TENM2: variants seen among roughly 807,000 people sequenced by gnomAD.
The protein encoded by TENM2 is teneurin transmembrane protein 2.
TENM2 carries 52 observed loss-of-function variants against 245.2 expected under a neutral mutation model. The observed-to-expected ratio is 0.21, with a 90% CI of 0.17 to 0.27. The LOEUF is 0.27. TENM2 is among the 10% of genes least tolerant of loss of function. TENM2 has a pLI of 1.00. For missense variants in TENM2, 3,046 were observed against 3,666.8 expected (o/e 0.83, Z 4.37); for synonymous variants, 1,363 against 1,438.9 (o/e 0.95, Z 1.19).
At chr5:168,190,594 TC>T (rs1388834792) in intron 14 of TENM2, 47 bp downstream of exon 16, 1 of 1,552,672 alleles carries the variant, frequency 6.4e-7, no homozygotes, top group Admixed American at 1.7e-5. Flanking sequence ...CTGATTTTCT[TC>T]CTGTTGGAGC....
intron 1 of TENM2, among the ~76,000 whole-genome samples, 168 bp from the exon 4 acceptor site, chr5:167,375,030 G>A (rs1429944365): frequency 6.6e-6 from 1 of 152,080 alleles, no homozygotes; most frequent in Admixed American, 6.6e-5. Context: ...TTTTTCAAAG[G>A]TATCCCACTG....
rs550745269 is a variant in TENM2 at position 167,900,929 on chromosome 5, G to T, written c.712+24734G>T. ...TGACAGGACTGGATGTACTCCTGAGGAGTCCTGCGGGGTGGGGGACAGGAA... is the reference window on the plus strand; with the variant it reads ...TGACAGGACTGGATGTACTCCTGAGTAGTCCTGCGGGGTGGGGGACAGGAA... On this transcript the variant is annotated intron_variant, in intron 3 of 28. Coordinates refer to ENST00000518659, the Ensembl canonical transcript of TENM2. Among the ~76,000 whole-genome samples, 17 of 152,166 alleles carry T rather than the reference G, an allele frequency of 1.1e-4. No individual in the cohort carries two copies. In the East Asian group the frequency reaches 2.9e-3, roughly 26 times the overall value.
the TENM2 span, among the ~76,000 whole-genome samples, chr5:167,151,968 C>G: frequency 1.6e-3 from 245 of 152,312 alleles, no homozygotes; most frequent in African/African-American, 5.7e-3. Flanking sequence ...ATTGCACACA[C>G]TACGGCTTTT....
At chr5:167,326,707 AT>A (rs1262105629) in intron 1 of TENM2, among the ~76,000 whole-genome samples, 117 of 146,712 alleles carry the variant, frequency 8.0e-4, no homozygotes, top group African/African-American at 1.0e-3. Context: ...AAATAAATAT[AT>A]ATATATATAT....
chr5:167,512,665 G>A (rs951702042), intron 2 of TENM2, among the ~76,000 whole-genome samples: 2 of 152,122 alleles, frequency 1.3e-5, no homozygotes, highest in African/African-American at 4.8e-5. Context: ...GTTTGGAAGA[G>A]AACTCAGATT....
intron 3 of TENM2, among the ~76,000 whole-genome samples, chr5:167,921,084 T>G (rs896975969): frequency 1.3e-5 from 2 of 152,240 alleles, no homozygotes; most frequent in Non-Finnish European, 2.9e-5. Flanking sequence ...TTAGGCCTTA[T>G]ATCAAATCAA....
At chr5:167,098,867 T>C in the TENM2 span, among the ~76,000 whole-genome samples, 1 of 152,160 alleles carries the variant, frequency 6.6e-6, no homozygotes, top group Non-Finnish European at 1.5e-5. Context: ...CCTAACCTAG[T>C]CTCTTTGCGT....
chr5:167,645,817 A>G (rs1218579441), intron 2 of TENM2, among the ~76,000 whole-genome samples: 1 of 152,144 alleles, frequency 6.6e-6, no homozygotes, highest in East Asian at 1.9e-4. Flanking sequence ...AAGGAAAAAC[A>G]AAAGGCAAAT....
intron 10 of TENM2, among the ~76,000 whole-genome samples, chr5:168,124,560 T>G (rs1795706319): frequency 6.6e-6 from 1 of 152,142 alleles, no homozygotes; most frequent in Admixed American, 6.5e-5. Context: ...AAAGGTGGAG[T>G]GGCATCCTTC....
In TENM2 at chr5:168,218,657, G is replaced by C. The variant is rs768481210; in HGVS notation, c.4766G>C (p.Gly1589Ala). The C allele has an allele frequency of 6.2e-7, 1 of 1,613,982 alleles. No homozygotes were observed. Among genetic ancestry groups the C allele is most frequent in the Admixed American group, 1.7e-5 (1 of 60,022 alleles). The change falls in exon 23 of 29, where the codon GGA (glycine) becomes GCA (alanine). Residue 1589 changes from glycine to alanine, a missense_variant. Gly to Ala is a moderately conservative substitution (Grantham distance 60). Coordinates refer to ENST00000518659, the Ensembl canonical transcript of TENM2. This position sits in a 1 kb window ranked among gnomAD's most constrained non-coding sequence, Gnocchi z 5.2. ...AACCAGTATGAGGCTGCATCCCCCG[G>C]AGAGCAGGAGTTATATGTTTTCAAC...
At chr5:167,514,186 A>G (rs1307606500) in intron 2 of TENM2, among the ~76,000 whole-genome samples, 1 of 152,210 alleles carries the variant, frequency 6.6e-6, no homozygotes, top group Non-Finnish European at 1.5e-5. Context: ...ATTGAGTATC[A>G]ATCCATGTTT....
intron 2 of TENM2, among the ~76,000 whole-genome samples, chr5:167,693,833 T>C (rs770673604): frequency 6.6e-6 from 1 of 152,204 alleles, no homozygotes; most frequent in Non-Finnish European, 1.5e-5. Flanking sequence ...GTTCAAGATG[T>C]TGTAGTGCCA....
At chr5:167,731,957 T>C (rs905603913) in intron 2 of TENM2, among the ~76,000 whole-genome samples, 1 of 152,168 alleles carries the variant, frequency 6.6e-6, no homozygotes, top group African/African-American at 2.4e-5. Context: ...CAAGTAGGCA[T>C]ACATGATAAT....
intron 2 of TENM2, among the ~76,000 whole-genome samples, chr5:167,529,911 T>C (rs1406215809): frequency 3.3e-5 from 5 of 152,176 alleles, no homozygotes; most frequent in Non-Finnish European, 7.4e-5. Context: ...AAGGAATGGC[T>C]ACTCTTCCAA....
chr5:167,451,749 T>C (rs760770957), intron 2 of TENM2, among the ~76,000 whole-genome samples: 27 of 152,030 alleles, frequency 1.8e-4, no homozygotes, highest in East Asian at 3.9e-4. Flanking sequence ...CCCGGGTTCA[T>C]GCCATTCTTC....
intron 1 of TENM2, among the ~76,000 whole-genome samples, chr5:167,369,451 AT>A (rs34408184): frequency 3.3e-4 from 50 of 150,264 alleles, no homozygotes; most frequent in African/African-American, 5.4e-4. Flanking sequence ...TTGATGAACT[AT>A]TTTTTTTTTG....
rs191789653 is a variant in TENM2, at chr5:167,300,956, G to T, written c.226+15893G>T. Among the ~76,000 whole-genome samples, 31 of 152,244 alleles carry T rather than the reference G, an allele frequency of 2.0e-4. No individual in the cohort carries two copies. In the East Asian group the frequency reaches 5.6e-3, roughly 28 times the overall value. On this transcript the variant is annotated intron_variant, in intron 1 of 28. Transcript: ENST00000518659. Reference sequence around the variant, plus strand: ...CCCCAGAATTGGGGAGTTTTAAGAGGTTTAGAAGCCTGGCCGTCAATACCT... The same window carrying T: ...CCCCAGAATTGGGGAGTTTTAAGAGTTTTAGAAGCCTGGCCGTCAATACCT...
intron 3 of TENM2, among the ~76,000 whole-genome samples, chr5:167,913,052 C>G (rs1255512808): frequency 1.3e-5 from 2 of 152,052 alleles, no homozygotes; most frequent in African/African-American, 4.8e-5. Flanking sequence ...CCATAGCATC[C>G]CTGCATTCCA....
intron 2 of TENM2, among the ~76,000 whole-genome samples, chr5:167,684,848 T>C (rs1756967567): frequency 1.3e-5 from 2 of 152,224 alleles, no homozygotes; most frequent in Admixed American, 6.5e-5. Flanking sequence ...CCAGGGTCTA[T>C]TAATGCCACT....
Sources: gnomAD v4.1 joint callset for allele counts (sites outside exome capture counted in the v4.1 genomes callset) on GRCh38, gnomAD v4.1.1 for gene constraint, Gnocchi (gnomAD v3.1) non-coding constraint, MANE v1.5 for transcripts, NCBI Gene and HGNC (gene_info 2026-07-23, HGNC 2026-07-21) for gene names.